PDCD2L: variants seen among roughly 807,000 people sequenced by gnomAD.
The protein encoded by PDCD2L is uS5 assembly chaperone PDCD2L.
A neutral mutation model predicts 40.4 loss-of-function variants in PDCD2L; 44 were observed. The ratio of observed to expected loss-of-function variants is 1.09; its 90% CI spans 0.86 to 1.40. The LOEUF is 1.40. PDCD2L is among the 40% of genes most tolerant of loss of function. The pLI is 0.00. For missense variants in PDCD2L, 470 were observed against 453.7 expected, an observed-to-expected ratio of 1.04 and a Z score of -0.33; for synonymous variants, 194 against 174.6, an observed-to-expected ratio of 1.11 and a Z score of -0.88.
intron 4 of PDCD2L, among the ~76,000 whole-genome samples, chr19:34,411,986 A>T (rs1438151220): frequency 9.5e-5 from 14 of 146,666 alleles, no homozygotes; most frequent in East Asian, 2.0e-4. Context: ...ATATATATAA[A>T]ATAAATAATA....
At chr19:34,406,379 A>G (rs1320302506) in intron 3 of PDCD2L, among the ~76,000 whole-genome samples, 1 of 151,926 alleles carries the variant, frequency 6.6e-6, no homozygotes, top group Non-Finnish European at 1.5e-5. Context: ...GGAGATACAC[A>G]ATACTCTTAT....
chr19:34,416,795 A>G (rs113211988), intron 5 of PDCD2L, among the ~76,000 whole-genome samples: 3,545 of 152,280 alleles, frequency 0.023, 138 homozygotes, highest in African/African-American at 0.08. Flanking sequence ...GAGAACATAG[A>G]AAAGGCTCAA....
chr19:34,407,374 C>CAG, intron 3 of PDCD2L, among the ~76,000 whole-genome samples: 1 of 150,390 alleles, frequency 6.6e-6, no homozygotes, highest in East Asian at 2.0e-4. Flanking sequence ...CTCTTTACCT[C>CAG]GTGATCCACC....
chr19:34,425,273 T>C (rs1053959914), intron 6 of PDCD2L, among the ~76,000 whole-genome samples: 1 of 151,746 alleles, frequency 6.6e-6, no homozygotes. Context: ...TCGGCAGTAG[T>C]GTGTCCTATG....
intron 5 of PDCD2L, among the ~76,000 whole-genome samples, chr19:34,416,533 C>T (rs2075127148): frequency 6.6e-6 from 1 of 152,066 alleles, no homozygotes; most frequent in East Asian, 1.9e-4. Flanking sequence ...GCATCCAGTC[C>T]CAGAAGAACT....
intron 5 of PDCD2L, among the ~76,000 whole-genome samples, chr19:34,414,336 C>A (rs1232266544): frequency 6.6e-6 from 1 of 151,592 alleles, no homozygotes; most frequent in Non-Finnish European, 1.5e-5. Flanking sequence ...CCACCCTGCC[C>A]AGCTGATTTT....
At position 34,413,897 on chromosome 19, in the gene PDCD2L, T is replaced by A. The variant is rs779979567; in HGVS notation, c.797+50T>A. On this transcript the variant is annotated intron_variant, in intron 5 of 6. Coordinates refer to ENST00000246535, the MANE Select transcript of PDCD2L (RefSeq NM_032346.2). Reference sequence around the variant, plus strand: ...ATTGTTTTCCTTGATTATAAAGGAATACATATTAGTTTGGAAAACACAGGA... The same window carrying A: ...ATTGTTTTCCTTGATTATAAAGGAAAACATATTAGTTTGGAAAACACAGGA... The A allele has an allele frequency of 2.6e-6, 3 of 1,156,918 alleles. No homozygotes were observed. In the South Asian group the frequency reaches 4.0e-5, roughly 15 times the overall value. 71.7% of individuals were successfully genotyped at this position (1,156,918 alleles called of 1,614,324 possible). A position where few individuals can be genotyped will look rare whatever the true frequency, so the allele number is the denominator to read the frequency against.
At chr19:34,411,162 CT>C (rs766712244) in intron 4 of PDCD2L, among the ~76,000 whole-genome samples, 3,019 of 61,754 alleles carry the variant, frequency 0.049, 125 homozygotes, top group African/African-American at 0.16. Context: ...GAGTATTCTT[CT>C]TTTTTTTTTT....
chr19:34,421,921 C>G, intron 6 of PDCD2L: 1 of 245,594 alleles, frequency 4.1e-6, no homozygotes, highest in African/African-American at 2.3e-5. Flanking sequence ...AACCCTGTCT[C>G]TACTATAATA....
rs747890044 is a variant in PDCD2L, at chr19:34,404,747, C to T, written c.207C>T (p.Ser69=). Residue 69 remains serine (S), a synonymous_variant, in exon 2 of 7, where the codon TCC becomes TCT. Transcript: ENST00000246535. ...AGGTGTATTGCCCGCTGGAAGGCTC[C>T]CCGTTTCACCGTCTGCTGCACGTGT... ...VVQVYCPLEG[S]PFHRLLHVFA... is the part of the protein sequence containing the mutation. 50 of 1,611,798 alleles carry T rather than the reference C, an allele frequency of 3.1e-5. No homozygotes were observed. Among genetic ancestry groups the T allele is most frequent in the Middle Eastern group, 1.6e-4 (1 of 6,080 alleles).
intron 5 of PDCD2L, among the ~76,000 whole-genome samples, chr19:34,419,224 C>T (rs996982571): frequency 6.6e-6 from 1 of 151,848 alleles, no homozygotes; most frequent in African/African-American, 2.4e-5. Flanking sequence ...TGCAGTGGCA[C>T]GATCTTGGCT....
chr19:34,421,476 C>G, intron 5 of PDCD2L, 43 bp from the exon 6 acceptor site: 1 of 1,605,318 alleles, frequency 6.2e-7, no homozygotes, highest in Non-Finnish European at 8.5e-7. Flanking sequence ...TAGAATGCGA[C>G]TTGTGTGGCT....
intron 4 of PDCD2L, among the ~76,000 whole-genome samples, chr19:34,410,438 G>A (rs2075096829): frequency 1.3e-5 from 2 of 152,084 alleles, no homozygotes; most frequent in South Asian, 4.1e-4. Context: ...TTTTAGTAGA[G>A]ATGGGGTTTC....
rs1334576213 is a variant in PDCD2L at position 34,413,770 on chromosome 19, G to T, written c.720G>T (p.Lys240Asn). ...ATGATGGTGATGAAAAATATGAGAA[G>T]ACCATAATTAAAAGTGGAGATCAGA... ...LPNDGDEKYEKTIIKSGDQTF... is the reference protein window; with the variant it reads ...LPNDGDEKYENTIIKSGDQTF... The change falls in exon 5 of 7, where the codon AAG (lysine) becomes AAT (asparagine). Residue 240 changes from lysine (K) to asparagine (N), a missense_variant. Physicochemically the swap from Lys to Asn is moderately conservative, Grantham distance 94. Transcript: ENST00000246535. The T allele has an allele frequency of 1.2e-6, 2 of 1,603,046 alleles. No individual in the cohort carries two copies. The highest frequency in any genetic ancestry group is 1.3e-5 in the African/African-American group (1 of 74,722).
At chr19:34,408,012 A>T (rs938389376) in intron 3 of PDCD2L, among the ~76,000 whole-genome samples, 1 of 151,234 alleles carries the variant, frequency 6.6e-6, no homozygotes, top group Admixed American at 6.6e-5. Flanking sequence ...GGCCCAAGCC[A>T]TTCTCCCACG....
chr19:34,423,093 A>T (rs1020133502), intron 6 of PDCD2L, among the ~76,000 whole-genome samples: 1 of 152,194 alleles, frequency 6.6e-6, no homozygotes, highest in African/African-American at 2.4e-5. Flanking sequence ...ACAGAAAATA[A>T]CATTCTTTCT....
At position 34,406,599 on chromosome 19, in the gene PDCD2L, G is replaced by A. The variant is rs545334899; in HGVS notation, c.336+1609G>A. On this transcript the variant is annotated intron_variant, in intron 3 of 6. Transcript: ENST00000246535. Reference sequence around the variant, plus strand: ...GTAGAGACAGGGTTTCACCATGTTAGCCAGGATGGTATTGATCTCGTGACC... The same window carrying A: ...GTAGAGACAGGGTTTCACCATGTTAACCAGGATGGTATTGATCTCGTGACC... Among the ~76,000 whole-genome samples the A allele has an allele frequency of 2.0e-5, 3 of 151,720 alleles. No individual in the cohort carries two copies. The South Asian group carries it at 6.3e-4, about 32-fold the overall frequency.
At position 34,404,426 on chromosome 19, in the gene PDCD2L, C is replaced by A. The variant is rs1024673584; in HGVS notation, c.-5C>A. On this transcript the variant is annotated 5_prime_UTR_variant, in exon 1 of 7. Transcript: ENST00000246535. ...TTTGCGTTTTCACCTGGTCGCCCGG[C>A]GGCCATGGCGGCCGTTCTGAAGCCG... 3 of 1,539,854 alleles carry A rather than the reference C, an allele frequency of 1.9e-6. No individual in the cohort carries two copies. The highest frequency in any genetic ancestry group is 2.6e-6 in the Non-Finnish European group (3 of 1,143,874).
chr19:34,420,805 A>AC (rs1009127767), intron 5 of PDCD2L, among the ~76,000 whole-genome samples: 19 of 149,356 alleles, frequency 1.3e-4, no homozygotes, highest in African/African-American at 2.5e-4. Context: ...AAAAAAAAAA[A>AC]AAACCCAAAA....
Sources: allele counts gnomAD v4.1 joint callset (sites outside exome capture counted in the v4.1 genomes callset), GRCh38; gene constraint gnomAD v4.1.1; transcripts MANE v1.5; gene names NCBI Gene and HGNC (gene_info 2026-07-23, HGNC 2026-07-21).